The following ACAD10 variants were observed in gnomAD, a reference collection of about 807,000 sequenced individuals.
ACAD10 encodes acyl-CoA dehydrogenase family member 10.
ACAD10 carries 112 observed loss-of-function variants against 116.8 expected under a neutral mutation model. The observed-to-expected ratio is 0.96, with a 90% CI of 0.82 to 1.12. The LOEUF (loss-of-function observed/expected upper bound fraction) is 1.12, where lower values mean the gene tolerates loss of function less well. Ranked by LOEUF, ACAD10 falls within the 50% of genes most tolerant of loss-of-function variation. The probability of loss-of-function intolerance (pLI) is 0.00; values close to 1 mark genes in which losing one functional copy is unlikely to be tolerated. For missense variants in ACAD10, 1,259 were observed against 1,350.2 expected, an observed-to-expected ratio of 0.93 and a Z score of 1.06; for synonymous variants, 486 against 510.6, an observed-to-expected ratio of 0.95 and a Z score of 0.65.
rs150643910 is a variant in ACAD10 at position 111,748,449 on chromosome 12, C to T, written c.2618C>T (p.Thr873Met). ...TPGIKIIRPL[T>M]VYGLEDAPGG... Reference sequence around the variant, plus strand: ...GGGATAAAAATCATCCGGCCTCTGACGGTGTATGGACTGGAAGATGCACCA... The same window carrying T: ...GGGATAAAAATCATCCGGCCTCTGATGGTGTATGGACTGGAAGATGCACCA... Residue 873 changes from threonine to methionine, a missense_variant, in exon 17 of 21, where the codon ACG becomes ATG. Coordinates refer to ENST00000313698, the MANE Select transcript of ACAD10 (RefSeq NM_025247.6). 7.6e-5 allele frequency: 123 copies of T among 1,613,776 alleles called. 1 individual carries two copies. Among genetic ancestry groups the T allele is most frequent in the Middle Eastern group, 5.2e-4 (3 of 5,734 alleles).
At chr12:111,702,401 A>G in intron 3 of ACAD10, 91 bp downstream of exon 3, 9 of 1,496,180 alleles carry the variant, frequency 6.0e-6, no homozygotes, top group Non-Finnish European at 7.3e-6. Context: ...TAAACTGAAA[A>G]TAAAGTGAAA....
At chr12:111,727,839 G>T in intron 8 of ACAD10, 123 bp from the exon 9 acceptor site, 1 of 954,550 alleles carries the variant, frequency 1.0e-6, no homozygotes. Flanking sequence ...AGTGCTCTGG[G>T]TCTGAACTCT....
intron 7 of ACAD10, among the ~76,000 whole-genome samples, chr12:111,718,542 C>T (rs1471822746): frequency 1.3e-5 from 2 of 152,000 alleles, no homozygotes; most frequent in Non-Finnish European, 2.9e-5. Flanking sequence ...TGCAGTGGCG[C>T]AATCTCGGCT....
Position 111,702,209 on chromosome 12 carries a change from T to G in ACAD10, c.235T>G (p.Leu79Val). Reference protein sequence around the residue: ...RIPSGTILKALMEGGENGPWM... With the variant: ...RIPSGTILKAVMEGGENGPWM... ...CCCTTCTGGAACTATATTAAAGGCCTTGATGGAAGGTGGTGAAAATGGGCC... is the reference window on the plus strand; with the variant it reads ...CCCTTCTGGAACTATATTAAAGGCCGTGATGGAAGGTGGTGAAAATGGGCC... The change falls in exon 3 of 21, where the codon TTG becomes GTG. Residue 79 changes from leucine to valine, a missense_variant. Transcript: ENST00000313698. 6.2e-7 allele frequency: 1 copy of G among 1,614,108 alleles called. No homozygotes were observed. The highest frequency in any genetic ancestry group is 1.1e-5 in the South Asian group (1 of 91,090).
intron 11 of ACAD10, among the ~76,000 whole-genome samples, chr12:111,735,557 A>G (rs1004384511): frequency 3.1e-4 from 46 of 150,724 alleles, no homozygotes; most frequent in Admixed American, 2.8e-3. Flanking sequence ...CCAGGTTCAC[A>G]CCATTCTCCT....
intron 6 of ACAD10, among the ~76,000 whole-genome samples, chr12:111,714,973 C>A (rs1566150042): frequency 6.6e-6 from 1 of 152,112 alleles, no homozygotes; most frequent in African/African-American, 2.4e-5. Context: ...GCCTTGGCCT[C>A]CCAAAGTGCT....
At position 111,724,125 on chromosome 12, in the gene ACAD10, C is replaced by T. The variant is rs180729616; in HGVS notation, c.1061+2386C>T. Among the ~76,000 whole-genome samples the T allele has an allele frequency of 4.1e-4, 61 of 149,104 alleles. No individual in the cohort carries two copies. The East Asian group carries it at 0.011, about 27-fold the overall frequency. ...AGATGGGATGGCGTCTGGGCGGATA[C>T]GCTCCTCACTTTCCAGACTGGGCAG... On this transcript the variant is annotated intron_variant, in intron 8 of 20. Coordinates refer to ENST00000313698, the MANE Select transcript of ACAD10 (RefSeq NM_025247.6).
chr12:111,709,284 G>A (rs549939015), intron 4 of ACAD10, among the ~76,000 whole-genome samples: 1 of 152,224 alleles, frequency 6.6e-6, no homozygotes, highest in Admixed American at 6.5e-5. Flanking sequence ...GTTTGCACAG[G>A]GTCACAGTGT....
At chr12:111,736,715 C>A in intron 11 of ACAD10, 116 bp from the exon 12 acceptor site, 2 of 1,016,052 alleles carry the variant, frequency 2.0e-6, no homozygotes, top group Non-Finnish European at 2.8e-6. Flanking sequence ...ACCCATGGAA[C>A]TGGTCGTGAA....
chr12:111,723,774 C>G (rs1889125321), intron 8 of ACAD10, among the ~76,000 whole-genome samples: 2 of 151,154 alleles, frequency 1.3e-5, no homozygotes, highest in African/African-American at 4.9e-5. Context: ...GGCAGAGAGG[C>G]TCCTCACTTC....
intron 12 of ACAD10, among the ~76,000 whole-genome samples, chr12:111,744,176 A>G (rs990862614): frequency 5.9e-5 from 9 of 152,136 alleles, no homozygotes; most frequent in African/African-American, 2.2e-4. Flanking sequence ...TTCCCTCCAG[A>G]GACAGTGGTG....
At position 111,709,657 on chromosome 12, in the gene ACAD10, T is replaced by C; in HGVS notation, c.663T>C (p.Ala221=). 6.2e-7 allele frequency: 1 copy of C among 1,613,648 alleles called. No homozygotes were observed. The highest frequency in any genetic ancestry group is 2.2e-5 in the East Asian group (1 of 44,854). ...LDDLGTNLKE[A]ARLGIHTIKV... ...ACCTTGGAACAAATCTAAAAGAAGCTGCCAGACTTGGTATTCACACCATTA... is the reference window on the plus strand; with the variant it reads ...ACCTTGGAACAAATCTAAAAGAAGCCGCCAGACTTGGTATTCACACCATTA... Residue 221 remains alanine (A), a synonymous_variant, in exon 5 of 21, where the codon GCT becomes GCC. Transcript: ENST00000313698.
rs371780020 is a variant in ACAD10, at chr12:111,720,061, G to A, written c.993-1610G>A. ...GTATTTTTAATAGAAATGGGGTTTCGCCGTATTGGCCAGGCTGGTGTTGAA... is the reference window on the plus strand; with the variant it reads ...GTATTTTTAATAGAAATGGGGTTTCACCGTATTGGCCAGGCTGGTGTTGAA... On this transcript the variant is annotated intron_variant, in intron 7 of 20. Coordinates refer to ENST00000313698, the MANE Select transcript of ACAD10 (RefSeq NM_025247.6). 2.6e-5 allele frequency among the ~76,000 whole-genome samples: 4 copies of A among 151,916 alleles called. 1 individual carries two copies. Among genetic ancestry groups the A allele is most frequent in the South Asian group, 4.2e-4 (2 of 4,814 alleles).
chr12:111,722,391 ATTTATTTATTTT>A (rs1889040634), intron 8 of ACAD10, among the ~76,000 whole-genome samples: 2 of 151,494 alleles, frequency 1.3e-5, no homozygotes, highest in South Asian at 4.1e-4. Context: ...TTATTTATTT[ATTTATTTATTTT>A]TTATTGATAA....
At chr12:111,724,556 A>G (rs1362229666) in intron 8 of ACAD10, among the ~76,000 whole-genome samples, 1 of 152,208 alleles carries the variant, frequency 6.6e-6, no homozygotes, top group Non-Finnish European at 1.5e-5. Flanking sequence ...CAATCCCGGC[A>G]CCTCGGGAGG....
chr12:111,692,614 G>A, intron 1 of ACAD10, 83 bp from the exon 2 acceptor site: 1 of 1,392,262 alleles, frequency 7.2e-7, no homozygotes, highest in Admixed American at 2.0e-5. Context: ...GAGATGTCTG[G>A]CTGGCCCCTC....
chr12:111,722,320 T>C (rs1054994140), intron 8 of ACAD10, among the ~76,000 whole-genome samples: 34 of 152,338 alleles, frequency 2.2e-4, no homozygotes, highest in Non-Finnish European at 4.1e-4. Flanking sequence ...CACTTTGGCC[T>C]CCCATGATGC....
At chr12:111,708,661 G>C (rs137913492) in intron 4 of ACAD10, among the ~76,000 whole-genome samples, 13 of 152,234 alleles carry the variant, frequency 8.5e-5, no homozygotes, top group African/African-American at 3.1e-4. Flanking sequence ...TGGCAAGTCA[G>C]AGATTTAGTT....
intron 3 of ACAD10, among the ~76,000 whole-genome samples, chr12:111,702,657 A>C (rs1888382140): frequency 6.6e-6 from 1 of 151,764 alleles, no homozygotes; most frequent in South Asian, 2.1e-4. Context: ...CTTGAACCTC[A>C]GGGGTGGAGG....
Sources: allele counts gnomAD v4.1 joint callset (sites outside exome capture counted in the v4.1 genomes callset), GRCh38; gene constraint gnomAD v4.1.1; transcripts MANE v1.5; gene names NCBI Gene and HGNC (gene_info 2026-07-23, HGNC 2026-07-21).